The following WDR90 variants were observed in gnomAD, a reference collection of about 807,000 sequenced individuals.
WDR90 encodes WD repeat domain 90, also known as WD repeat-containing protein 90.
WDR90 carries 238 observed loss-of-function variants against 195.2 expected under a neutral mutation model. The observed-to-expected ratio is 1.22, with a 90% confidence interval of 1.10 to 1.36. WDR90 has a LOEUF of 1.36. WDR90 is among the 40% of genes most tolerant of loss of function. WDR90 has a pLI of 0.00. For synonymous variants in WDR90, 1,265 were observed against 1,052.4 expected (o/e 1.20, Z -3.91); for missense variants, 2,734 against 2,439.5 (o/e 1.12, Z -2.54).
At position 652,059 on chromosome 16, in the gene WDR90, C is replaced by A; in HGVS notation, c.1053+20C>A. The A allele has an allele frequency of 6.4e-7, 1 of 1,569,652 alleles. No homozygotes were observed. Among genetic ancestry groups the A allele is most frequent in the Non-Finnish European group, 8.6e-7 (1 of 1,160,968 alleles). On this transcript the variant is annotated intron_variant, in intron 9 of 40. Transcript: ENST00000293879. ...TGCGAAGTGAGTGCCCATCCCACAGCAGGCGGGGCCTGGTGAGGTGTGGGC... is the reference window on the plus strand; with the variant it reads ...TGCGAAGTGAGTGCCCATCCCACAGAAGGCGGGGCCTGGTGAGGTGTGGGC...
intron 13 of WDR90, chr16:654,701 C>G: frequency 2.8e-6 from 1 of 352,862 alleles, no homozygotes; most frequent in Non-Finnish European, 5.3e-6. Context: ...CCTCCCACCT[C>G]AGCCTCCCAA....
At chr16:653,711 C>T (rs1468264372) in intron 12 of WDR90, 35 bp from the exon 13 acceptor site, 2 of 1,613,306 alleles carry the variant, frequency 1.2e-6, no homozygotes, top group Non-Finnish European at 1.7e-6. Flanking sequence ...GGGGGTCAGC[C>T]CAGGCGACAA....
chr16:657,025 G>A (rs745462881), intron 19 of WDR90, 66 bp from the exon 20 acceptor site: 83 of 1,575,170 alleles, frequency 5.3e-5, no homozygotes, highest in Non-Finnish European at 6.8e-5. Flanking sequence ...TTGGCTGGAG[G>A]TCGAGGGAAC....
chr16:665,158 A>G (rs1031084031), intron 34 of WDR90: 7 of 225,662 alleles, frequency 3.1e-5, no homozygotes, highest in African/African-American at 6.7e-5. Context: ...TTTCCCCCCA[A>G]TCAGCGTGCA....
At chr16:656,057 G>A in intron 17 of WDR90, 168 bp downstream of exon 17, 1 of 889,680 alleles carries the variant, frequency 1.1e-6, no homozygotes, top group Non-Finnish European at 1.7e-6. Context: ...CTGATGCCAG[G>A]GCGGCCCGCG....
At chr16:665,625 C>G (rs562298066) in intron 34 of WDR90, 54 bp from the exon 35 acceptor site, 23 of 1,611,204 alleles carry the variant, frequency 1.4e-5, no homozygotes, top group Non-Finnish European at 8.5e-7. Context: ...ATGCCTGCGT[C>G]CCTTTACCCT....
intron 13 of WDR90, 91 bp downstream of exon 13, chr16:653,894 AT>A: frequency 1.3e-6 from 2 of 1,498,258 alleles, no homozygotes; most frequent in South Asian, 2.4e-5. Context: ...CTCCAGCTTC[AT>A]GTGACCCTGG....
chr16:660,614 C>A lies in WDR90; in HGVS notation c.3291C>A (p.Gly1097=), dbSNP rs755638030. Residue 1097 remains glycine (G), a splice_region_variant and synonymous_variant, in exon 28 of 41, where the codon GGC becomes GGA. Transcript: ENST00000293879. ...RVSCSPHSAK[G]TCPPPASGGW... ...CATCCGGGTCTCCTTCCTCGCAGGG[C>A]ACTTGCCCGCCTCCCGCCAGCGGTG... 1.9e-6 allele frequency: 3 copies of A among 1,564,186 alleles called. No individual in the cohort carries two copies. In the South Asian group the frequency reaches 3.5e-5, roughly 18 times the overall value.
Position 657,402 on chromosome 16 carries a change from T to C in WDR90, c.2473+181T>C, listed in dbSNP as rs188285603. 6.1e-4 allele frequency: 641 copies of C among 1,054,696 alleles called. 3 individuals carry two copies. The African/African-American group carries it at 9.3e-3, about 15-fold the overall frequency. The allele number at this position is 1,054,696 out of a possible 1,614,324, so 65.3% of individuals were successfully genotyped here. On this transcript the variant is annotated intron_variant, in intron 20 of 40. Coordinates refer to ENST00000293879, the MANE Select transcript of WDR90 (RefSeq NM_145294.5). ...GAGGAGACTGTGGTTTAGCGTTCACTGGACCCCAAGGCCAGAGGTCAGCTC... is the reference window on the plus strand; with the variant it reads ...GAGGAGACTGTGGTTTAGCGTTCACCGGACCCCAAGGCCAGAGGTCAGCTC...
chr16:649,273 A>T (rs1228048787), upstream of WDR90: 3 of 949,920 alleles, frequency 3.2e-6, no homozygotes, highest in East Asian at 3.3e-5. Context: ...CCCACCGGGG[A>T]GGTCACGTGG....
At chr16:662,500 G>T in intron 33 of WDR90, 169 bp downstream of exon 33, 2 of 1,185,096 alleles carry the variant, frequency 1.7e-6, no homozygotes, top group South Asian at 3.1e-5. Flanking sequence ...GGCTGCTGTC[G>T]AGTACGGGCA....
At chr16:653,258 A>C in intron 10 of WDR90, 83 bp from the exon 11 acceptor site, 1 of 1,161,010 alleles carries the variant, frequency 8.6e-7, no homozygotes, top group Non-Finnish European at 1.2e-6. Flanking sequence ...CCTGGGCTGG[A>C]GTGGGAGGTG....
In WDR90 at chr16:650,722, C is replaced by T. The variant is rs1490043911; in HGVS notation, c.559+13C>T. The T allele has an allele frequency of 6.2e-6, 10 of 1,600,732 alleles. No homozygotes were observed. The highest frequency in any genetic ancestry group is 1.7e-4 in the Middle Eastern group (1 of 6,056). ...TGCTTTGAGCCTGGTGAGGGCCGCA[C>T]CTGCACTCCCCACTCCATATCTCAC... On this transcript the variant is annotated intron_variant, in intron 5 of 40. Transcript: ENST00000293879.
Position 659,272 on chromosome 16 carries a change from C to CAGCGTCCA in WDR90, c.3081_3088dup (p.Arg1030LysfsTer84). The CAGCGTCCA allele has an allele frequency of 6.2e-7, 1 of 1,610,114 alleles. No individual in the cohort carries two copies. The highest frequency in any genetic ancestry group is 1.1e-5 in the South Asian group (1 of 90,764). ...CCGGGCGCAGGACCGCTGGAGGACGCAGCGTCCAGGGCCAGCGAGCTCCCC... is the reference window on the plus strand; with the variant it reads ...CCGGGCGCAGGACCGCTGGAGGACGCAGCGTCCAAGCGTCCAGGGCCAGCGAGCTCCCC... On this transcript the variant is annotated frameshift_variant, in exon 26 of 41. Coordinates refer to ENST00000293879, the MANE Select transcript of WDR90 (RefSeq NM_145294.5). LOFTEE classifies it high-confidence loss of function.
In WDR90 at chr16:650,809, C is replaced by T. The variant is rs535799394; in HGVS notation, c.559+100C>T. 7.2e-6 allele frequency: 11 copies of T among 1,519,060 alleles called. No homozygotes were observed. In the East Asian group the frequency reaches 1.8e-4, roughly 25 times the overall value. 94.1% of individuals were successfully genotyped at this position (1,519,060 alleles called of 1,614,324 possible). Reference sequence around the variant, plus strand: ...TGCTTGGGAAAATACAGTGCTCGAGCTGTGCTGTCTCTGAGCTCTGGCCAG... The same window carrying T: ...TGCTTGGGAAAATACAGTGCTCGAGTTGTGCTGTCTCTGAGCTCTGGCCAG... On this transcript the variant is annotated intron_variant, in intron 5 of 40. Coordinates refer to ENST00000293879, the MANE Select transcript of WDR90 (RefSeq NM_145294.5).
Position 666,310 on chromosome 16 carries a change from A to T in WDR90, c.4700A>T (p.Gln1567Leu), listed in dbSNP as rs372817445. The T allele has an allele frequency of 3.1e-6, 5 of 1,612,716 alleles. No homozygotes were observed. In the East Asian group the frequency reaches 8.9e-5, roughly 29 times the overall value. ...ACCTTCCGTGTGCTGAGTGACCACCAGGGCGCCCCAATCTCTACCATCTGT... is the reference window on the plus strand; with the variant it reads ...ACCTTCCGTGTGCTGAGTGACCACCTGGGCGCCCCAATCTCTACCATCTGT... ...GTTFRVLSDH[Q>L]GAPISTICVT... Residue 1567 changes from glutamine to leucine, a missense_variant, in exon 37 of 41, where the codon CAG becomes CTG. Physicochemically the swap from Gln to Leu is moderately radical, Grantham distance 113 (BLOSUM62 -2). Transcript: ENST00000293879.
At chr16:653,866 G>C in intron 13 of WDR90, 63 bp downstream of exon 13, 1 of 1,584,846 alleles carries the variant, frequency 6.3e-7, no homozygotes. Context: ...CAGCTGGAAG[G>C]GTCTTGGTTT....
chr16:654,789 T>G, intron 13 of WDR90: 6 of 540,946 alleles, frequency 1.1e-5, no homozygotes, highest in South Asian at 2.4e-5. Context: ...TGCGGGGGGG[T>G]TTGTACTTCT....
chr16:662,206 C>T lies in WDR90; in HGVS notation c.4034-14C>T, dbSNP rs754434995. 160 of 1,534,292 alleles carry T rather than the reference C, an allele frequency of 1.0e-4. No individual in the cohort carries two copies. The highest frequency in any genetic ancestry group is 1.3e-4 in the Non-Finnish European group (150 of 1,139,050). ...AAGGCAGCCGTGGCCCCTTATGGCT[C>T]CTCCTGCCCCTAGGGCTGTTGCTGT... On this transcript the variant is annotated splice_polypyrimidine_tract_variant and intron_variant, in intron 32 of 40. Transcript: ENST00000293879.
Sources: allele counts gnomAD v4.1 joint callset, GRCh38; gene constraint gnomAD v4.1.1; transcripts MANE v1.5; gene names NCBI Gene and HGNC (gene_info 2026-07-23, HGNC 2026-07-21).